The following MAGI2 variants were observed in gnomAD, a reference collection of about 807,000 sequenced individuals.
MAGI2 encodes the protein membrane-associated guanylate kinase, WW and PDZ domain-containing protein 2.
A neutral mutation model predicts 133.3 loss-of-function variants in MAGI2; 35 were observed. The observed-to-expected ratio is 0.26, with a 90% confidence interval of 0.20 to 0.35. The LOEUF (loss-of-function observed/expected upper bound fraction) is 0.35. Ranked by LOEUF, MAGI2 falls within the 10% of genes least tolerant of loss-of-function variation. The probability of loss-of-function intolerance (pLI) is 1.00; values close to 1 mark genes in which losing one functional copy is unlikely to be tolerated. For synonymous variants in MAGI2, 729 were observed against 710.6 expected (o/e 1.03, Z -0.41); for missense variants, 1,636 against 1,863.4 (o/e 0.88, Z 2.25).
intron 2 of MAGI2, among the ~76,000 whole-genome samples, chr7:78,692,518 G>T (rs562022601): frequency 6.7e-6 from 1 of 148,410 alleles, no homozygotes; most frequent in Non-Finnish European, 1.5e-5. Context: ...TTCATTTTAA[G>T]TCTTTAGGAT....
At chr7:78,747,727 C>G (rs1312522360) in intron 2 of MAGI2, among the ~76,000 whole-genome samples, 1 of 152,070 alleles carries the variant, frequency 6.6e-6, no homozygotes, top group Non-Finnish European at 1.5e-5. Context: ...AAAGCTGCAT[C>G]CGTGGTGACT....
intron 9 of MAGI2, among the ~76,000 whole-genome samples, chr7:78,340,115 A>G (rs1176179845): frequency 6.6e-6 from 1 of 152,208 alleles, no homozygotes; most frequent in Non-Finnish European, 1.5e-5. Flanking sequence ...TTTTCTCCAA[A>G]GGAATTCTCT....
rs569851638 is a variant in MAGI2, at chr7:78,583,299, C to T, written c.538+43821G>A. ...GGATCACGAGGTCAGGAGATCAAGACCATCCTGGCTAACATGGTGAAACAC... is the reference window on the plus strand; with the variant it reads ...GGATCACGAGGTCAGGAGATCAAGATCATCCTGGCTAACATGGTGAAACAC... On this transcript the variant is annotated intron_variant, in intron 3 of 21. Transcript: ENST00000354212. The T allele has an allele frequency of 1.2e-4, 18 of 153,740 alleles. No individual in the cohort carries two copies. The South Asian group carries it at 3.3e-3, about 28-fold the overall frequency. 9.5% of individuals were successfully genotyped at this position (153,740 alleles called of 1,614,324 possible). A position where few individuals can be genotyped will look rare whatever the true frequency, so the allele number is the denominator to read the frequency against.
Position 78,682,120 on chromosome 7 carries a change from T to C in MAGI2, c.419-54881A>G, listed in dbSNP as rs17151281. On this transcript the variant is annotated intron_variant, in intron 2 of 21. Transcript: ENST00000354212. ...GGACAAATTCCAGTTTTAGTCTATA[T>C]TTCTATCTTCCAATAAATAAATATT... Among the ~76,000 whole-genome samples, 1,199 of 152,254 alleles carry C rather than the reference T, an allele frequency of 7.9e-3. 67 individuals carry two copies. The East Asian group carries it at 0.14, about 18-fold the overall frequency.
At position 79,223,615 on chromosome 7, in the gene MAGI2, C is replaced by T. The variant is rs76397325; in HGVS notation, c.302-216409G>A. On this transcript the variant is annotated intron_variant, in intron 1 of 21. Transcript: ENST00000354212. Reference sequence around the variant, plus strand: ...GGCCAAAGTGAGAGAATCGCCTGAGCCCAGGAGTTTGCAAGCAGCCTGAGC... The same window carrying T: ...GGCCAAAGTGAGAGAATCGCCTGAGTCCAGGAGTTTGCAAGCAGCCTGAGC... Among the ~76,000 whole-genome samples, 240 of 152,022 alleles carry T rather than the reference C, an allele frequency of 1.6e-3. 9 individuals are homozygous for T. In the East Asian group the frequency reaches 0.039, roughly 25 times the overall value.
intron 15 of MAGI2, among the ~76,000 whole-genome samples, chr7:78,162,125 C>T (rs898192793): frequency 6.6e-6 from 1 of 152,114 alleles, no homozygotes; most frequent in Non-Finnish European, 1.5e-5. Flanking sequence ...AAAATCTCCT[C>T]GAGTTATTGG....
chr7:79,293,587 C>G (rs1265670516), intron 1 of MAGI2, among the ~76,000 whole-genome samples: 2 of 152,318 alleles, frequency 1.3e-5, no homozygotes, highest in Admixed American at 1.3e-4. Context: ...TTAGGCTTTG[C>G]AGCTAAGCAC....
rs530067921 is a variant in MAGI2, at chr7:78,070,616, A to G, written c.3706+8331T>C. On this transcript the variant is annotated intron_variant, in intron 21 of 21. Coordinates refer to ENST00000354212, the MANE Select transcript of MAGI2 (RefSeq NM_012301.4). Reference sequence around the variant, plus strand: ...TATGTGTATATATGTGTATATATATATGTGTGTGTGTGTGTATATATATAT... The same window carrying G: ...TATGTGTATATATGTGTATATATATGTGTGTGTGTGTGTGTATATATATAT... Among the ~76,000 whole-genome samples, 349 of 128,198 alleles carry G rather than the reference A, an allele frequency of 2.7e-3. 2 individuals are homozygous for G. Among genetic ancestry groups the G allele is most frequent in the African/African-American group, 8.9e-3 (316 of 35,412 alleles). The allele number at this position is 128,198 out of a possible 152,430, so 84.1% of individuals were successfully genotyped here.
At chr7:79,012,909 T>A (rs759425489) in intron 1 of MAGI2, among the ~76,000 whole-genome samples, 7 of 152,156 alleles carry the variant, frequency 4.6e-5, no homozygotes, top group Non-Finnish European at 8.8e-5. Context: ...TATCCACACA[T>A]GGCCAAGAGG....
intron 1 of MAGI2, among the ~76,000 whole-genome samples, chr7:79,219,905 G>A (rs1830308346): frequency 6.6e-6 from 1 of 151,888 alleles, no homozygotes; most frequent in African/African-American, 2.4e-5. Flanking sequence ...CTTTCCTATA[G>A]AAAATTGAGA....
chr7:79,034,291 C>T (rs1244055586), intron 1 of MAGI2, among the ~76,000 whole-genome samples: 2 of 151,998 alleles, frequency 1.3e-5, no homozygotes, highest in African/African-American at 4.8e-5. Context: ...TTATGTTTGA[C>T]AAAATTTGAC....
rs38101 is a variant in MAGI2, at chr7:78,613,081, A to C, written c.538+14039T>G. ...TTATTCACACAAACTTCAGGCAAAT[A>C]TAAGTACATAGTAAGACCCATTTAC... On this transcript the variant is annotated intron_variant, in intron 3 of 21. Transcript: ENST00000354212. 7.9e-5 allele frequency among the ~76,000 whole-genome samples: 12 copies of C among 152,074 alleles called. No individual in the cohort carries two copies. In the South Asian group the frequency reaches 1.7e-3, roughly 21 times the overall value.
intron 1 of MAGI2, among the ~76,000 whole-genome samples, chr7:79,018,594 C>T (rs1808979699): frequency 6.6e-6 from 1 of 152,134 alleles, no homozygotes; most frequent in African/African-American, 2.4e-5. Context: ...TTAAAAGGCA[C>T]AGAGTGGCAA....
At chr7:78,449,890 G>A (rs1307618846) in intron 6 of MAGI2, among the ~76,000 whole-genome samples, 1 of 152,064 alleles carries the variant, frequency 6.6e-6, no homozygotes, top group Non-Finnish European at 1.5e-5. Context: ...TACAGCTGCA[G>A]TTTCTTTGCA....
chr7:78,767,241 G>A (rs551438604), intron 2 of MAGI2, among the ~76,000 whole-genome samples: 119 of 151,732 alleles, frequency 7.8e-4, no homozygotes, highest in Non-Finnish European at 1.3e-3. Flanking sequence ...CGCCTGCCTC[G>A]GCCTTCCAAA....
chr7:79,126,377 T>C (rs1298986146), intron 1 of MAGI2, among the ~76,000 whole-genome samples: 1 of 152,316 alleles, frequency 6.6e-6, no homozygotes, highest in South Asian at 2.1e-4. Context: ...AGTGTGCATA[T>C]AAGATAGTTG....
chr7:78,294,912 G>GTATT (rs1353484883), intron 9 of MAGI2, among the ~76,000 whole-genome samples: 8 of 152,042 alleles, frequency 5.3e-5, no homozygotes, highest in Non-Finnish European at 8.8e-5. Flanking sequence ...GCTGTTTAAT[G>GTATT]TATTAGAATA....
At chr7:78,622,343 T>C (rs754839471) in intron 3 of MAGI2, among the ~76,000 whole-genome samples, 8 of 152,016 alleles carry the variant, frequency 5.3e-5, no homozygotes, top group Non-Finnish European at 2.9e-5. Flanking sequence ...TGGTCTGACC[T>C]AGAACTCTAA....
intron 1 of MAGI2, among the ~76,000 whole-genome samples, chr7:79,252,899 G>A (rs1187519811): frequency 6.6e-6 from 1 of 152,134 alleles, no homozygotes; most frequent in Non-Finnish European, 1.5e-5. Context: ...GTTTCTACTG[G>A]CAAAGCATAT....
Sources: gnomAD v4.1 joint callset for allele counts (sites outside exome capture counted in the v4.1 genomes callset) on GRCh38, gnomAD v4.1.1 for gene constraint, MANE v1.5 for transcripts, NCBI Gene and HGNC (gene_info 2026-07-23, HGNC 2026-07-21) for gene names.